TDRD7: variants seen among roughly 807,000 people sequenced by gnomAD.
TDRD7 encodes the protein tudor domain containing 7.
In TDRD7, 47 loss-of-function variants were observed where a neutral mutation model predicts 109.8. That is an observed-to-expected ratio of 0.43 (90% CI 0.34 to 0.55). The LOEUF (loss-of-function observed/expected upper bound fraction) is 0.55, where lower values mean the gene tolerates loss of function less well. Among genes scored for constraint, TDRD7 ranks in the 20% least tolerant of loss-of-function variants. The probability of loss-of-function intolerance (pLI) is 0.03; values close to 1 mark genes in which losing one functional copy is unlikely to be tolerated. For synonymous variants in TDRD7, 424 were observed against 457.3 expected (o/e 0.93, Z 0.93); for missense variants, 1,164 against 1,319.2 (o/e 0.88, Z 1.82).
At chr9:97,490,734 G>GT (rs199815285) in intron 16 of TDRD7, among the ~76,000 whole-genome samples, 1,739 of 140,900 alleles carry the variant, frequency 0.012, 31 homozygotes, top group African/African-American at 0.038. Flanking sequence ...TTTTTGTTCT[G>GT]TTTTTTTTTT....
chr9:97,489,538 A>G (rs961509685), intron 16 of TDRD7, among the ~76,000 whole-genome samples: 2 of 152,048 alleles, frequency 1.3e-5, no homozygotes, highest in Non-Finnish European at 1.5e-5. Flanking sequence ...ATGTGTCTTT[A>G]TATTTAAAGT....
chr9:97,462,519 C>G (rs1049061388), intron 7 of TDRD7, among the ~76,000 whole-genome samples: 4 of 152,182 alleles, frequency 2.6e-5, no homozygotes, highest in African/African-American at 9.7e-5. Context: ...CATCTTCACC[C>G]AGGCAGGCAG....
chr9:97,430,915 C>CGTA lies in TDRD7; in HGVS notation c.208-18_208-17insGTA. On this transcript the variant is annotated splice_polypyrimidine_tract_variant and intron_variant, in intron 2 of 16. Transcript: ENST00000355295. ...ATCTGAGAAATGTTTCTCCTCTTAC[C>CGTA]CTGCCTCTAATGAATAGATTACCTG... 2 of 1,613,588 alleles carry CGTA rather than the reference C, an allele frequency of 1.2e-6. No homozygotes were observed. Among genetic ancestry groups the CGTA allele is most frequent in the Non-Finnish European group, 8.5e-7 (1 of 1,179,684 alleles).
rs1266864432 is a variant in TDRD7, at chr9:97,495,748, G to T, written c.3162G>T (p.Gln1054His). 1.2e-6 allele frequency: 2 copies of T among 1,614,184 alleles called. No homozygotes were observed. The highest frequency in any genetic ancestry group is 3.3e-5 in the Admixed American group (2 of 60,022). ...VEKKPLVALVQTVIENANPWD... is the reference protein window; with the variant it reads ...VEKKPLVALVHTVIENANPWD... ...AGAAACCTCTGGTGGCACTGGTGCA[G>T]ACAGTCATTGAAAATGCTAACCCTT... Residue 1054 changes from glutamine (Q) to histidine (H), a missense_variant, in exon 17 of 17, where the codon CAG (glutamine) becomes CAT (histidine). Physicochemically the swap from Gln to His is conservative, Grantham distance 24 (BLOSUM62 0). Transcript: ENST00000355295.
intron 1 of TDRD7, among the ~76,000 whole-genome samples, chr9:97,424,992 C>T (rs1316639548): frequency 6.6e-6 from 1 of 152,012 alleles, no homozygotes; most frequent in Non-Finnish European, 1.5e-5. Flanking sequence ...CAATATCCCT[C>T]TTTATCATAG....
rs998321754 is a variant in TDRD7, at chr9:97,495,959, T to C, written c.*76T>C. The C allele has an allele frequency of 2.6e-6, 3 of 1,163,086 alleles. No homozygotes were observed. The African/African-American group carries it at 4.6e-5, about 18-fold the overall frequency. 72.0% of individuals were successfully genotyped at this position (1,163,086 alleles called of 1,614,324 possible). The stretch of plus-strand genomic sequence containing the variant: ...AAATGTAGTAGGCTTAAAAAAAATC[T>C]TAACTCTGCTACATGGCTCTGACTG... On this transcript the variant is annotated 3_prime_UTR_variant, in exon 17 of 17. Transcript: ENST00000355295.
At chr9:97,453,135 A>G (rs768820709) in intron 6 of TDRD7, among the ~76,000 whole-genome samples, 8 of 152,214 alleles carry the variant, frequency 5.3e-5, no homozygotes, top group Non-Finnish European at 1.0e-4. Flanking sequence ...TTTAGATAAG[A>G]TGGGTTATCG....
intron 16 of TDRD7, among the ~76,000 whole-genome samples, chr9:97,494,698 A>G (rs1191489331): frequency 4.1e-4 from 39 of 94,818 alleles, no homozygotes; most frequent in African/African-American, 1.2e-3. Flanking sequence ...ATATATGTAT[A>G]TATATATATA....
chr9:97,483,428 G>A (rs1045326138), intron 15 of TDRD7, 77 bp downstream of exon 15: 16 of 1,550,558 alleles, frequency 1.0e-5, no homozygotes, highest in East Asian at 6.8e-5. Context: ...TAATCTTGGC[G>A]GGGGGACTTC....
rs1307802665 is a variant in TDRD7, at chr9:97,428,320, G to A, written c.-6-140G>A. The A allele has an allele frequency of 8.4e-6, 7 of 836,538 alleles. No individual in the cohort carries two copies. In the African/African-American group the frequency reaches 1.0e-4, roughly 12 times the overall value. 51.8% of individuals were successfully genotyped at this position (836,538 alleles called of 1,614,324 possible). On this transcript the variant is annotated intron_variant, in intron 1 of 16. Coordinates refer to ENST00000355295, the MANE Select transcript of TDRD7 (RefSeq NM_014290.3). Reference sequence around the variant, plus strand: ...GGTATTTGTGCTTTTCTCTACCGTGGCAGTTGTTTCCCCATATTGTAATTG... The same window carrying A: ...GGTATTTGTGCTTTTCTCTACCGTGACAGTTGTTTCCCCATATTGTAATTG...
intron 6 of TDRD7, among the ~76,000 whole-genome samples, chr9:97,444,653 A>C (rs1337141338): frequency 6.6e-6 from 1 of 152,208 alleles, no homozygotes; most frequent in South Asian, 2.1e-4. Flanking sequence ...TTGTCTCTCT[A>C]TATGGCTTGT....
At chr9:97,419,169 C>T (rs987913320) in intron 1 of TDRD7, among the ~76,000 whole-genome samples, 9 of 152,080 alleles carry the variant, frequency 5.9e-5, no homozygotes, top group Non-Finnish European at 1.0e-4. Flanking sequence ...CTTAGGCATA[C>T]GGATATACAA....
chr9:97,487,353 A>G, intron 16 of TDRD7, 21 bp downstream of exon 16: 3 of 1,613,702 alleles, frequency 1.9e-6, no homozygotes, highest in Non-Finnish European at 2.5e-6. Flanking sequence ...TGGAATCTGA[A>G]CTCATGCTAC....
intron 6 of TDRD7, 63 bp downstream of exon 6, chr9:97,441,938 T>G: frequency 3.7e-6 from 5 of 1,345,758 alleles, no homozygotes; most frequent in Non-Finnish European, 5.3e-6. Context: ...AGATCTTGAG[T>G]TATTAGTCAT....
At chr9:97,439,813 A>G (rs1413008198) in intron 5 of TDRD7, among the ~76,000 whole-genome samples, 2 of 152,242 alleles carry the variant, frequency 1.3e-5, no homozygotes, top group Non-Finnish European at 2.9e-5. Context: ...GGGTAATAGA[A>G]TCCAAGTGGG....
chr9:97,427,196 A>G (rs953182811), intron 1 of TDRD7, among the ~76,000 whole-genome samples: 3 of 152,118 alleles, frequency 2.0e-5, no homozygotes, highest in Admixed American at 1.3e-4. Context: ...CTCTGAATGT[A>G]TCTCCTAGTA....
intron 15 of TDRD7, among the ~76,000 whole-genome samples, chr9:97,486,436 A>G (rs1829212877): frequency 6.6e-6 from 1 of 152,118 alleles, no homozygotes; most frequent in African/African-American, 2.4e-5. Flanking sequence ...CTTGAGCTCC[A>G]GATCTGAAGC....
intron 14 of TDRD7, among the ~76,000 whole-genome samples, chr9:97,481,474 A>G (rs1489853749): frequency 6.6e-6 from 1 of 152,212 alleles, no homozygotes; most frequent in Non-Finnish European, 1.5e-5. Context: ...CATTGCTCAT[A>G]TATCCAAGAA....
chr9:97,432,843 CAA>C (rs747679290), intron 4 of TDRD7, among the ~76,000 whole-genome samples: 1 of 152,178 alleles, frequency 6.6e-6, no homozygotes, highest in Non-Finnish European at 1.5e-5. Context: ...CAGAGGGTGG[CAA>C]ACTACAATCG....
Sources: allele counts gnomAD v4.1 joint callset (sites outside exome capture counted in the v4.1 genomes callset), GRCh38; gene constraint gnomAD v4.1.1; transcripts MANE v1.5; gene names NCBI Gene and HGNC (gene_info 2026-07-23, HGNC 2026-07-21).